CSTPP1: variants seen among roughly 807,000 people sequenced by gnomAD.
The protein encoded by CSTPP1 is UPF0705 protein C11orf49.
chr11:47,023,815 C>T, the CSTPP1 span, among the ~76,000 whole-genome samples: 1 of 152,044 alleles, frequency 6.6e-6, no homozygotes, highest in African/African-American at 2.4e-5. Flanking sequence ...AATAATAGTC[C>T]GTTGTATGTA....
the CSTPP1 span, among the ~76,000 whole-genome samples, chr11:46,986,201 CAG>C: frequency 1.1e-4 from 16 of 152,270 alleles, no homozygotes; most frequent in East Asian, 1.5e-3. Context: ...GCTACCAAGA[CAG>C]AGCCATGATT....
the CSTPP1 span, among the ~76,000 whole-genome samples, chr11:46,983,846 G>C: frequency 6.6e-6 from 1 of 152,194 alleles, no homozygotes; most frequent in African/African-American, 2.4e-5. Flanking sequence ...GCACTTGGCT[G>C]TTGGCTGGTG....
At chr11:47,003,986 A>G in the CSTPP1 span, among the ~76,000 whole-genome samples, 2 of 151,996 alleles carry the variant, frequency 1.3e-5, no homozygotes. Context: ...GGCTATATAT[A>G]ATTCATCTTC....
At chr11:47,044,401 G>A in the CSTPP1 span, among the ~76,000 whole-genome samples, 1 of 152,054 alleles carries the variant, frequency 6.6e-6, no homozygotes, top group South Asian at 2.1e-4. Context: ...TCTTGAGATA[G>A]GATCTCACAT....
At chr11:47,147,579 GCAGCTGCT>G in the CSTPP1 span, among the ~76,000 whole-genome samples, 2 of 152,142 alleles carry the variant, frequency 1.3e-5, no homozygotes, top group Non-Finnish European at 2.9e-5. Context: ...CCTTCTGCGG[GCAGCTGCT>G]CTAACAAACA....
chr11:47,047,653 T>C, the CSTPP1 span, among the ~76,000 whole-genome samples: 1 of 152,202 alleles, frequency 6.6e-6, no homozygotes, highest in African/African-American at 2.4e-5. Flanking sequence ...ACAAAAAATA[T>C]AGATAAATTG....
At chr11:47,067,208 T>C in the CSTPP1 span, among the ~76,000 whole-genome samples, 1 of 152,222 alleles carries the variant, frequency 6.6e-6, no homozygotes, top group East Asian at 1.9e-4. Flanking sequence ...AGTAAATTTG[T>C]GTTTCAAAGC....
chr11:47,084,990 G>GCCTGACCAACATGCC, the CSTPP1 span, among the ~76,000 whole-genome samples: 1 of 152,020 alleles, frequency 6.6e-6, no homozygotes, highest in African/African-American at 2.4e-5. Context: ...TTTGAGACCA[G>GCCTGACCAACATGCC]CCTGACCAAC....
chr11:46,999,662 A>G, the CSTPP1 span, among the ~76,000 whole-genome samples: 4 of 152,192 alleles, frequency 2.6e-5, no homozygotes, highest in Admixed American at 6.5e-5. Flanking sequence ...ATGCAACTAG[A>G]GCTGACTATA....
At chr11:47,156,983 T>C in the CSTPP1 span, 1 of 1,607,062 alleles carries the variant, frequency 6.2e-7, no homozygotes, top group Non-Finnish European at 8.5e-7. Flanking sequence ...CCTCCCTGCC[T>C]GAGCCGTCCA....
the CSTPP1 span, among the ~76,000 whole-genome samples, chr11:46,940,404 T>C: frequency 6.6e-6 from 1 of 152,206 alleles, no homozygotes; most frequent in Non-Finnish European, 1.5e-5. Context: ...TAAGGGCATA[T>C]GCATTGAAGT....
chr11:47,078,980 A>G, the CSTPP1 span, among the ~76,000 whole-genome samples: 1 of 152,198 alleles, frequency 6.6e-6, no homozygotes, highest in East Asian at 1.9e-4. Context: ...CAAAAGTTGT[A>G]TTAATCATCA....
the CSTPP1 span, among the ~76,000 whole-genome samples, chr11:46,949,296 A>C: frequency 6.6e-6 from 1 of 152,200 alleles, no homozygotes; most frequent in East Asian, 1.9e-4. Flanking sequence ...TAGTCTATGA[A>C]CTACCAGACC....
the CSTPP1 span, among the ~76,000 whole-genome samples, chr11:47,085,764 CCTGTAATCCCAGG>C: frequency 6.6e-6 from 1 of 151,666 alleles, no homozygotes; most frequent in Non-Finnish European, 1.5e-5. Context: ...GTGGCAGGCA[CCTGTAATCCCAGG>C]TACTAGGGAG....
the CSTPP1 span, among the ~76,000 whole-genome samples, chr11:46,939,834 T>G: frequency 6.6e-6 from 1 of 152,168 alleles, no homozygotes; most frequent in Non-Finnish European, 1.5e-5. Context: ...CTTTTTCATT[T>G]AATACATCTT....
At chr11:46,983,455 C>T in the CSTPP1 span, among the ~76,000 whole-genome samples, 1 of 152,144 alleles carries the variant, frequency 6.6e-6, no homozygotes, top group Non-Finnish European at 1.5e-5. Context: ...AGCGTAGGTA[C>T]AGGTTAGAAA....
At chr11:47,109,354 G>A in the CSTPP1 span, 1 of 151,996 alleles carries the variant, frequency 6.6e-6, no homozygotes, top group Non-Finnish European at 1.5e-5. Context: ...TCAGTAACTT[G>A]GATTCTGAGG....
the CSTPP1 span, among the ~76,000 whole-genome samples, chr11:46,966,262 C>T: frequency 3.9e-5 from 6 of 152,040 alleles, no homozygotes; most frequent in African/African-American, 1.4e-4. Context: ...AGGATGGTCT[C>T]GATCTCTTGA....
the CSTPP1 span, among the ~76,000 whole-genome samples, chr11:47,124,878 C>T: frequency 3.3e-3 from 497 of 152,226 alleles, 2 homozygotes; most frequent in Non-Finnish European, 3.8e-3. Flanking sequence ...ACTATTGTGT[C>T]GTTTCCCAGG....
Sources: allele counts gnomAD v4.1 joint callset (sites outside exome capture counted in the v4.1 genomes callset), GRCh38; gene constraint gnomAD v4.1.1; transcripts MANE v1.5; gene names NCBI Gene and HGNC (gene_info 2026-07-23, HGNC 2026-07-21).